QSOX1: variants seen among roughly 807,000 people sequenced by gnomAD.
The protein encoded by QSOX1 is quiescin sulfhydryl oxidase 1.
QSOX1 carries 40 observed loss-of-function variants against 76.1 expected under a neutral mutation model. The ratio of observed to expected loss-of-function variants is 0.53; its 90% CI spans 0.41 to 0.68. QSOX1 has a LOEUF of 0.68. QSOX1 is among the 30% of genes least tolerant of loss of function. The probability of loss-of-function intolerance (pLI) is 0.00; values close to 1 mark genes in which losing one functional copy is unlikely to be tolerated. For missense variants in QSOX1, 931 were observed against 974.3 expected (o/e 0.96, Z 0.59); for synonymous variants, 392 against 413.1 (o/e 0.95, Z 0.62).
Position 180,182,279 on chromosome 1 carries a change from T to C in QSOX1, c.712T>C (p.Tyr238His), listed in dbSNP as rs1361820624. 3.7e-6 allele frequency: 6 copies of C among 1,614,134 alleles called. No individual in the cohort carries two copies. Among genetic ancestry groups the C allele is most frequent in the African/African-American group, 1.3e-5 (1 of 74,956 alleles). The stretch of plus-strand genomic sequence containing the variant: ...TGGTGTCACCGACTTCCCCTCTTGC[T>C]ACCTGCTGTTCCGGAATGGCTCTGT... ...KFGVTDFPSCYLLFRNGSVSR... is the reference protein window; with the variant it reads ...KFGVTDFPSCHLLFRNGSVSR... Residue 238 changes from tyrosine (Y) to histidine (H), a missense_variant, in exon 6 of 12, where the codon TAC (tyrosine) becomes CAC (histidine). By Grantham distance (83) the Tyr-to-His change is moderately conservative (BLOSUM62 2). Transcript: ENST00000367602.
At chr1:180,184,607 G>A (rs1396163210) in intron 7 of QSOX1, among the ~76,000 whole-genome samples, 1 of 152,212 alleles carries the variant, frequency 6.6e-6, no homozygotes, top group Non-Finnish European at 1.5e-5. Flanking sequence ...AAGCATGAGA[G>A]AGCTGCTCTT....
At chr1:180,168,861 G>T (rs1010447300) in intron 2 of QSOX1, among the ~76,000 whole-genome samples, 2 of 152,208 alleles carry the variant, frequency 1.3e-5, no homozygotes, top group African/African-American at 2.4e-5. Flanking sequence ...TAGCCCTGTT[G>T]CCCTGCCTGC....
chr1:180,191,314 G>A (rs1663304656), intron 10 of QSOX1, among the ~76,000 whole-genome samples: 1 of 152,240 alleles, frequency 6.6e-6, no homozygotes, highest in South Asian at 2.1e-4. Flanking sequence ...GGGCCGTGGT[G>A]GAGAGAAAGA....
intron 4 of QSOX1, 36 bp downstream of exon 4, chr1:180,176,069 G>A (rs758787595): frequency 6.6e-7 from 1 of 1,513,624 alleles, no homozygotes; most frequent in South Asian, 1.2e-5. Flanking sequence ...TGCATTGTGG[G>A]CCAGGATCCC....
At position 180,198,902 on chromosome 1, in the gene QSOX1, C is replaced by A; in HGVS notation, c.*1865C>A. ...AAGGCCGCTGAATAAGCCTGCCCTT[C>A]ACCCCCTAAGGGCTCCTTGCCCAAT... On this transcript the variant is annotated 3_prime_UTR_variant, in exon 12 of 12. Transcript: ENST00000367602. 1 of 163,240 alleles carries A rather than the reference C, an allele frequency of 6.1e-6. No individual in the cohort carries two copies. The highest frequency in any genetic ancestry group is 1.4e-5 in the Non-Finnish European group (1 of 73,558). The allele number at this position is 163,240 out of a possible 1,614,324, so 10.1% of individuals were successfully genotyped here.
Position 180,196,175 on chromosome 1 carries a change from A to G in QSOX1, c.1469-87A>G, listed in dbSNP as rs991984832. On this transcript the variant is annotated intron_variant, in intron 11 of 11. Transcript: ENST00000367602. This position sits in a 1 kb window ranked among gnomAD's most constrained non-coding sequence, Gnocchi z 4.1. ...TGGCGAGCCCTTTCTGCAGACAAGG[A>G]AGCTGGCGTTCTGAGTGGAGGAGTG... The G allele has an allele frequency of 2.2e-5, 33 of 1,479,898 alleles. No homozygotes were observed. Among genetic ancestry groups the G allele is most frequent in the Non-Finnish European group, 2.9e-5 (32 of 1,098,508 alleles). The allele number at this position is 1,479,898 out of a possible 1,614,324, so 91.7% of individuals were successfully genotyped here. A position where few individuals can be genotyped will look rare whatever the true frequency, so the allele number is the denominator to read the frequency against.
rs1662346612 is a variant in QSOX1 at position 180,155,184 on chromosome 1, G to A, written c.265+12G>A. On this transcript the variant is annotated intron_variant, in intron 1 of 11. Transcript: ENST00000367602. The stretch of plus-strand genomic sequence containing the variant: ...CGAAGACGTCAAAGGTGAGAAGCGG[G>A]GGCGGCCCGCTCCCCCGTGCCCCGC... 1 of 1,482,100 alleles carries A rather than the reference G, an allele frequency of 6.7e-7. No individual in the cohort carries two copies. The highest frequency in any genetic ancestry group is 2.8e-5 in the East Asian group (1 of 35,562). The allele number at this position is 1,482,100 out of a possible 1,614,324, so 91.8% of individuals were successfully genotyped here.
At position 180,182,223 on chromosome 1, in the gene QSOX1, T is replaced by C; in HGVS notation, c.656T>C (p.Leu219Pro). 1 of 1,614,240 alleles carries C rather than the reference T, an allele frequency of 6.2e-7. No homozygotes were observed. Among genetic ancestry groups the C allele is most frequent in the Non-Finnish European group, 8.5e-7 (1 of 1,180,042 alleles). The change falls in exon 6 of 12, where the codon CTG becomes CCG. Residue 219 changes from leucine to proline, a missense_variant. By Grantham distance (98) the Leu-to-Pro change is moderately conservative. Coordinates refer to ENST00000367602, the MANE Select transcript of QSOX1 (RefSeq NM_002826.5). ...AAAGGCGTGGCGGTGCGCAGGGTGC[T>C]GAACACAGAGGCCAATGTGGTGAGA... ...QHKGVAVRRV[L>P]NTEANVVRKF... is the part of the protein sequence containing the mutation.
rs1008800112 is a variant in QSOX1 at position 180,182,309 on chromosome 1, C to G, written c.742C>G (p.Arg248Gly). The G allele has an allele frequency of 2.5e-6, 4 of 1,614,090 alleles. No homozygotes were observed. In the African/African-American group the frequency reaches 5.3e-5, roughly 22 times the overall value. Reference protein sequence around the residue: ...YLLFRNGSVSRVPVLMESRSF... With the variant: ...YLLFRNGSVSGVPVLMESRSF... The stretch of plus-strand genomic sequence containing the variant: ...GCTGTTCCGGAATGGCTCTGTCTCC[C>G]GAGTCCCCGTGTGAGTATCCTGTCT... The change falls in exon 6 of 12, where the codon CGA becomes GGA. Residue 248 changes from arginine to glycine, a missense_variant. By Grantham distance (125) the Arg-to-Gly change is moderately radical (BLOSUM62 -2). Transcript: ENST00000367602.
chr1:180,165,537 T>C (rs1401146284), intron 1 of QSOX1, among the ~76,000 whole-genome samples: 6 of 152,242 alleles, frequency 3.9e-5, no homozygotes, highest in African/African-American at 1.4e-4. Context: ...ACGGTCTAGG[T>C]TCAACTCTGT....
rs1284585457 is a variant in QSOX1, at chr1:180,201,597, CCCT to C, written c.*4565_*4567del. On this transcript the variant is annotated 3_prime_UTR_variant, in exon 12 of 12. Transcript: ENST00000367602. Reference sequence around the variant, plus strand: ...TTAATCTTCATACCTGACTCCTTGTCCCTCCTCAGGCATGCTGTTGTGCAGGAC... The same window carrying C: ...TTAATCTTCATACCTGACTCCTTGTCCCTCAGGCATGCTGTTGTGCAGGAC... The C allele has an allele frequency of 7.2e-5, 11 of 152,468 alleles. No homozygotes were observed. Among genetic ancestry groups the C allele is most frequent in the Admixed American group, 6.5e-4 (10 of 15,310 alleles). 9.4% of individuals were successfully genotyped at this position (152,468 alleles called of 1,614,324 possible). A position where few individuals can be genotyped will look rare whatever the true frequency, so the allele number is the denominator to read the frequency against.
intron 8 of QSOX1, among the ~76,000 whole-genome samples, chr1:180,189,330 C>T (rs923355585): frequency 6.6e-6 from 1 of 152,182 alleles, no homozygotes; most frequent in Non-Finnish European, 1.5e-5. Flanking sequence ...ACCCTGTCTT[C>T]TAGCCTTACC....
intron 2 of QSOX1, among the ~76,000 whole-genome samples, chr1:180,172,449 T>G (rs1230081569): frequency 6.6e-6 from 1 of 152,144 alleles, no homozygotes; most frequent in African/African-American, 2.4e-5. Flanking sequence ...TGGGCCACTC[T>G]GGCTGACCGA....
chr1:180,172,461 G>A (rs758903850), intron 2 of QSOX1, among the ~76,000 whole-genome samples: 1 of 152,162 alleles, frequency 6.6e-6, no homozygotes, highest in African/African-American at 2.4e-5. Flanking sequence ...GCTGACCGAG[G>A]TTCCTGGTCA....
rs377713678 is a variant in QSOX1, at chr1:180,200,567, G to C, written c.*3530G>C. ...AATGCCTGAAATGTGTATGCTGTTG[G>C]AGAATTGATGTGTATGATTTATTGA... On this transcript the variant is annotated 3_prime_UTR_variant, in exon 12 of 12. Coordinates refer to ENST00000367602, the MANE Select transcript of QSOX1 (RefSeq NM_002826.5). 3 of 152,236 alleles carry C rather than the reference G, an allele frequency of 2.0e-5. No homozygotes were observed. The highest frequency in any genetic ancestry group is 7.2e-5 in the African/African-American group (3 of 41,454). The allele number at this position is 152,236 out of a possible 1,614,324, so 9.4% of individuals were successfully genotyped here.
intron 1 of QSOX1, 87 bp from the exon 2 acceptor site, chr1:180,166,404 A>G: frequency 9.6e-7 from 1 of 1,042,030 alleles, no homozygotes; most frequent in Middle Eastern, 2.9e-4. Context: ...TGAGGTTGGC[A>G]GGGGTGAGGC....
intron 1 of QSOX1, among the ~76,000 whole-genome samples, chr1:180,155,494 T>G (rs765169329): frequency 1.1e-4 from 17 of 152,082 alleles, no homozygotes; most frequent in Non-Finnish European, 2.2e-4. Flanking sequence ...CTTTGTTCCT[T>G]CCTCCGCATG....
rs1238031492 is a variant in QSOX1 at position 180,198,331 on chromosome 1, A to C, written c.*1294A>C. ...AGCCTGTCTGCACCTGCCTAATTCC[A>C]GCTCCTCCAGGAAGCAAGGGCTTGT... On this transcript the variant is annotated 3_prime_UTR_variant, in exon 12 of 12. Transcript: ENST00000367602. 2.2e-6 allele frequency: 1 copy of C among 456,592 alleles called. No homozygotes were observed. The highest frequency in any genetic ancestry group is 4.4e-6 in the Non-Finnish European group (1 of 226,940). The allele number at this position is 456,592 out of a possible 1,614,324, so 28.3% of individuals were successfully genotyped here. A position where few individuals can be genotyped will look rare whatever the true frequency, so the allele number is the denominator to read the frequency against.
At chr1:180,160,091 A>G (rs1307906516) in intron 1 of QSOX1, among the ~76,000 whole-genome samples, 1 of 152,182 alleles carries the variant, frequency 6.6e-6, no homozygotes. Flanking sequence ...CTTTGAGAGG[A>G]TACAGTGTAA....
Sources: gnomAD v4.1 joint callset for allele counts (sites outside exome capture counted in the v4.1 genomes callset) on GRCh38, gnomAD v4.1.1 for gene constraint, Gnocchi (gnomAD v3.1) non-coding constraint, MANE v1.5 for transcripts, NCBI Gene and HGNC (gene_info 2026-07-23, HGNC 2026-07-21) for gene names.